Variants in VGLL3 observed in about 807,000 individuals in gnomAD.
VGLL3 encodes the protein vestigial like family member 3.
In VGLL3, 18 loss-of-function variants were observed where a neutral mutation model predicts 29.2. The observed-to-expected ratio is 0.62, with a 90% CI of 0.43 to 0.91. The LOEUF is 0.91. Ranked by LOEUF, VGLL3 falls within the 40% of genes least tolerant of loss-of-function variation. The probability of loss-of-function intolerance (pLI) is 0.00; values close to 1 mark genes in which losing one functional copy is unlikely to be tolerated. For synonymous variants in VGLL3, 180 were observed against 151.8 expected, an observed-to-expected ratio of 1.19 and a Z score of -1.36; for missense variants, 440 against 413.2, an observed-to-expected ratio of 1.06 and a Z score of -0.56.
At chr3:86,974,930 T>C (rs935278388) in intron 2 of VGLL3, among the ~76,000 whole-genome samples, 1 of 152,210 alleles carries the variant, frequency 6.6e-6, no homozygotes, top group Admixed American at 6.5e-5. Context: ...GTTTGTTTTC[T>C]ATGTGTCAAA....
chr3:86,965,604 C>T (rs560359825), intron 3 of VGLL3, among the ~76,000 whole-genome samples: 45 of 152,278 alleles, frequency 3.0e-4, no homozygotes, highest in Admixed American at 2.7e-3. Flanking sequence ...CCTTTAGGAC[C>T]GAGGCATTTA....
At chr3:86,948,101 T>G (rs1172908160) in intron 3 of VGLL3, among the ~76,000 whole-genome samples, 1 of 152,190 alleles carries the variant, frequency 6.6e-6, no homozygotes, top group Admixed American at 6.5e-5. Context: ...CCTGTTTTAG[T>G]TCTCTTTGTT....
intron 3 of VGLL3, among the ~76,000 whole-genome samples, chr3:86,950,867 C>T (rs1425672132): frequency 2.6e-5 from 4 of 152,126 alleles, no homozygotes; most frequent in Admixed American, 6.5e-5. Context: ...GGTCAATTGC[C>T]TCTTGAGGCG....
intron 1 of VGLL3, among the ~76,000 whole-genome samples, chr3:86,983,370 A>G (rs1705369348): frequency 6.6e-6 from 1 of 152,120 alleles, no homozygotes. Flanking sequence ...CTCTGTGACC[A>G]TATATATTTT....
In VGLL3 at chr3:86,946,992, T is replaced by C. The variant is rs1704521295; in HGVS notation, c.*32A>G. ...TTTTCCCAGTGGGCCCTTGGATTTA[T>C]GCTGCAACTTAACTCACTAAGATTG... On this transcript the variant is annotated 3_prime_UTR_variant, in exon 4 of 4. Transcript: ENST00000398399. 1 of 778,568 alleles carries C rather than the reference T, an allele frequency of 1.3e-6. No homozygotes were observed. Among genetic ancestry groups the C allele is most frequent in the Non-Finnish European group, 2.4e-6 (1 of 416,882 alleles). 48.2% of individuals were successfully genotyped at this position (778,568 alleles called of 1,614,324 possible).
intron 2 of VGLL3, among the ~76,000 whole-genome samples, chr3:86,974,098 C>T (rs1307302782): frequency 6.6e-6 from 1 of 151,340 alleles, no homozygotes; most frequent in African/African-American, 2.4e-5. Context: ...GATAAGGGAC[C>T]AATCATATTC....
chr3:86,946,828 TA>T lies in VGLL3; in HGVS notation c.*195del, dbSNP rs1360359096. On this transcript the variant is annotated 3_prime_UTR_variant, in exon 4 of 4. Transcript: ENST00000398399. ...AGGCTCAGATGAGGAAATAAACAAA[TA>T]AAAATGCTTTTCTTCAATGTCTGGG... 1 of 512,546 alleles carries T rather than the reference TA, an allele frequency of 2.0e-6. No homozygotes were observed. 31.7% of individuals were successfully genotyped at this position (512,546 alleles called of 1,614,324 possible).
intron 1 of VGLL3, among the ~76,000 whole-genome samples, chr3:86,989,944 T>A (rs893391555): frequency 3.3e-5 from 5 of 152,142 alleles, no homozygotes; most frequent in Admixed American, 6.5e-5. Context: ...AGACTCAGCA[T>A]CCAGAGATTC....
chr3:86,968,941 C>A lies in VGLL3; in HGVS notation c.586G>T (p.Gly196Cys). The change falls in exon 3 of 4, where the codon GGC becomes TGC. Residue 196 changes from glycine (G) to cysteine (C), a missense_variant. Gly to Cys is a radical substitution (Grantham distance 159). Coordinates refer to ENST00000398399, the MANE Select transcript of VGLL3 (RefSeq NM_016206.4). Reference protein sequence around the residue: ...PWPGHNLHQTGPAPPPAVSES... With the variant: ...PWPGHNLHQTCPAPPPAVSES... ...GACACAGCAGGGGGAGGGGCTGGGCCAGTCTGATGCAGGTTGTGTCCCGGC... is the reference window on the plus strand; with the variant it reads ...GACACAGCAGGGGGAGGGGCTGGGCAAGTCTGATGCAGGTTGTGTCCCGGC... 6.2e-7 allele frequency: 1 copy of A among 1,614,054 alleles called. No homozygotes were observed. The highest frequency in any genetic ancestry group is 2.2e-5 in the East Asian group (1 of 44,866).
chr3:86,962,402 C>A (rs562940674), intron 3 of VGLL3: 1 of 985,336 alleles, frequency 1.0e-6, no homozygotes, highest in African/African-American at 1.7e-5. Context: ...AATTTTGTGC[C>A]AGAGGCACCT....
At position 86,939,442 on chromosome 3, in the gene VGLL3, T is replaced by C. The variant is rs539143122; in HGVS notation, c.*7582A>G. 6.6e-6 allele frequency: 1 copy of C among 152,354 alleles called. No individual in the cohort carries two copies. 9.4% of individuals were successfully genotyped at this position (152,354 alleles called of 1,614,324 possible). A position where few individuals can be genotyped will look rare whatever the true frequency, so the allele number is the denominator to read the frequency against. ...GAGACGGAGACCATCCTGGCCAACATGGTGAAATCCCGTCTCTACTAAAAT... is the reference window on the plus strand; with the variant it reads ...GAGACGGAGACCATCCTGGCCAACACGGTGAAATCCCGTCTCTACTAAAAT... On this transcript the variant is annotated 3_prime_UTR_variant, in exon 4 of 4. Coordinates refer to ENST00000398399, the MANE Select transcript of VGLL3 (RefSeq NM_016206.4).
chr3:86,975,272 A>T (rs1253785619), intron 2 of VGLL3, among the ~76,000 whole-genome samples: 1 of 152,200 alleles, frequency 6.6e-6, no homozygotes, highest in Non-Finnish European at 1.5e-5. Flanking sequence ...GAGAATAAAA[A>T]TGTGAGTCTC....
intron 2 of VGLL3, among the ~76,000 whole-genome samples, chr3:86,970,633 A>C (rs1053164707): frequency 6.6e-6 from 1 of 152,036 alleles, no homozygotes; most frequent in Non-Finnish European, 1.5e-5. Flanking sequence ...CTTGCTGGCC[A>C]TGGTACTGAA....
At chr3:86,979,490 A>G (rs187602311) in intron 1 of VGLL3, among the ~76,000 whole-genome samples, 6 of 152,304 alleles carry the variant, frequency 3.9e-5, no homozygotes, top group Admixed American at 3.9e-4. Flanking sequence ...AAATACTAGT[A>G]GTGGGTTAAT....
At chr3:86,985,669 A>C (rs1469611586) in intron 1 of VGLL3, among the ~76,000 whole-genome samples, 1 of 152,170 alleles carries the variant, frequency 6.6e-6, no homozygotes. Context: ...CTGCTTAAAG[A>C]GATGTGTTTT....
chr3:86,987,682 C>A (rs1705479369), intron 1 of VGLL3, among the ~76,000 whole-genome samples: 1 of 152,284 alleles, frequency 6.6e-6, no homozygotes, highest in South Asian at 2.1e-4. Context: ...AGGATTTATA[C>A]CCAGCCATGC....
intron 3 of VGLL3, among the ~76,000 whole-genome samples, chr3:86,949,382 C>A (rs1704567924): frequency 6.6e-6 from 1 of 151,988 alleles, no homozygotes; most frequent in African/African-American, 2.4e-5. Flanking sequence ...CTAATGGACC[C>A]TTGTGGTTAA....
intron 3 of VGLL3, 127 bp from the exon 4 acceptor site, chr3:86,947,194 C>A (rs1457364809): frequency 1.5e-6 from 1 of 652,062 alleles, no homozygotes; most frequent in Non-Finnish European, 2.8e-6. Context: ...GAGTTCTGAC[C>A]TGAAGACATC....
chr3:86,954,915 G>T (rs1365557795), intron 3 of VGLL3, among the ~76,000 whole-genome samples: 1 of 132,150 alleles, frequency 7.6e-6, no homozygotes, highest in African/African-American at 3.9e-5. Flanking sequence ...AAAAAAAAAA[G>T]CTTGGATCAC....
Sources: gnomAD v4.1 joint callset for allele counts (sites outside exome capture counted in the v4.1 genomes callset) on GRCh38, gnomAD v4.1.1 for gene constraint, MANE v1.5 for transcripts, NCBI Gene and HGNC (gene_info 2026-07-23, HGNC 2026-07-21) for gene names.